Variants in ZBTB7C observed in about 807,000 individuals in gnomAD.
The protein encoded by ZBTB7C is zinc finger and BTB domain containing 7C.
A neutral mutation model predicts 25.7 loss-of-function variants in ZBTB7C; 8 were observed. The ratio of observed to expected loss-of-function variants is 0.31; its 90% CI spans 0.18 to 0.56. The LOEUF is 0.56. ZBTB7C is among the 20% of genes least tolerant of loss of function. The pLI is 0.91. For missense variants in ZBTB7C, 824 were observed against 855.2 expected (o/e 0.96, Z 0.46); for synonymous variants, 394 against 369.0 (o/e 1.07, Z -0.78).
At chr18:48,174,134 A>G (rs1245569204) in intron 3 of ZBTB7C, among the ~76,000 whole-genome samples, 2 of 152,140 alleles carry the variant, frequency 1.3e-5, no homozygotes, top group African/African-American at 4.8e-5. Context: ...AAACAAATTT[A>G]TATGGCAAAT....
At chr18:48,079,125 TC>T (rs2037883843) in intron 3 of ZBTB7C, among the ~76,000 whole-genome samples, 1 of 152,190 alleles carries the variant, frequency 6.6e-6, no homozygotes, top group African/African-American at 2.4e-5. Context: ...AACTTAAAGA[TC>T]AATTATTCCA....
In ZBTB7C at chr18:48,095,211, T is replaced by C. The variant is rs529608080; in HGVS notation, c.-16-54088A>G. Among the ~76,000 whole-genome samples, 17 of 152,326 alleles carry C rather than the reference T, an allele frequency of 1.1e-4. No individual in the cohort carries two copies. The East Asian group carries it at 3.3e-3, about 29-fold the overall frequency. On this transcript the variant is annotated intron_variant, in intron 3 of 4. Transcript: ENST00000590800. ...AAAATAAGGAGTCCTTGGATTCTCATGGCCACTTTGAGGCAGTTCCATGGC... is the reference window on the plus strand; with the variant it reads ...AAAATAAGGAGTCCTTGGATTCTCACGGCCACTTTGAGGCAGTTCCATGGC...
intron 2 of ZBTB7C, among the ~76,000 whole-genome samples, chr18:48,253,628 AC>A (rs1220097854): frequency 6.6e-6 from 1 of 152,176 alleles, no homozygotes; most frequent in Non-Finnish European, 1.5e-5. Context: ...AGGACAGAGC[AC>A]CAGAGAGAAG....
intron 3 of ZBTB7C, among the ~76,000 whole-genome samples, chr18:48,084,505 G>C (rs2038112346): frequency 6.6e-6 from 1 of 152,132 alleles, no homozygotes; most frequent in African/African-American, 2.4e-5. Context: ...GACTCCACTG[G>C]GCATGTCTGC....
At chr18:48,114,821 G>T (rs2039372907) in intron 3 of ZBTB7C, among the ~76,000 whole-genome samples, 1 of 152,178 alleles carries the variant, frequency 6.6e-6, no homozygotes, top group African/African-American at 2.4e-5. Context: ...AAAGCAAGCT[G>T]CAGAAGAGTG....
intron 2 of ZBTB7C, among the ~76,000 whole-genome samples, chr18:48,199,992 TTGTGTGTG>T (rs57540482): frequency 6.0e-5 from 9 of 149,294 alleles, no homozygotes; most frequent in African/African-American, 9.9e-5. Context: ...GGAAATGTAT[TTGTGTGTG>T]TGTGTGTGTG....
At chr18:48,388,218 A>G (rs2047795782) in intron 1 of ZBTB7C, among the ~76,000 whole-genome samples, 1 of 152,054 alleles carries the variant, frequency 6.6e-6, no homozygotes, top group Non-Finnish European at 1.5e-5. Flanking sequence ...AACCACCCTA[A>G]TTATCCCTGC....
intron 1 of ZBTB7C, among the ~76,000 whole-genome samples, chr18:48,393,431 C>A (rs1006659242): frequency 2.0e-5 from 3 of 152,116 alleles, no homozygotes; most frequent in African/African-American, 7.2e-5. Flanking sequence ...CCCTCTCTCC[C>A]TGACTGTCTC....
intron 2 of ZBTB7C, among the ~76,000 whole-genome samples, chr18:48,298,688 A>C (rs1039032420): frequency 2.0e-5 from 3 of 152,176 alleles, no homozygotes; most frequent in Non-Finnish European, 4.4e-5. Flanking sequence ...CAGGGTGCCC[A>C]GCAGGCTGAC....
chr18:48,045,914 G>T (rs1392699205), intron 3 of ZBTB7C, among the ~76,000 whole-genome samples: 3 of 152,198 alleles, frequency 2.0e-5, no homozygotes, highest in African/African-American at 7.2e-5. Context: ...CTAGGGAGAG[G>T]TCCCCATGGC....
At chr18:48,084,605 C>T (rs1284143535) in intron 3 of ZBTB7C, among the ~76,000 whole-genome samples, 1 of 152,168 alleles carries the variant, frequency 6.6e-6, no homozygotes, top group Non-Finnish European at 1.5e-5. Context: ...CCCACTCGCC[C>T]TATCACCCCT....
At chr18:48,102,600 T>C (rs2038872290) in intron 3 of ZBTB7C, among the ~76,000 whole-genome samples, 1 of 148,040 alleles carries the variant, frequency 6.8e-6, no homozygotes, top group Admixed American at 6.8e-5. Flanking sequence ...ACTAACCTAG[T>C]CCTCTTGGAG....
intron 3 of ZBTB7C, among the ~76,000 whole-genome samples, chr18:48,069,346 T>C (rs1770355371): frequency 6.6e-6 from 1 of 152,192 alleles, no homozygotes; most frequent in Non-Finnish European, 1.5e-5. Context: ...CTTTGAAAGA[T>C]CTCCCGATTC....
In ZBTB7C at chr18:48,166,047, AT is replaced by A. The variant is rs889404044; in HGVS notation, c.-17+19886del. 2.1e-4 allele frequency among the ~76,000 whole-genome samples: 32 copies of A among 151,986 alleles called. No individual in the cohort carries two copies. The South Asian group carries it at 2.5e-3, about 12-fold the overall frequency. On this transcript the variant is annotated intron_variant, in intron 3 of 4. Transcript: ENST00000590800. The stretch of plus-strand genomic sequence containing the variant: ...TTGATTACTTCTTCATAGGAGAATA[AT>A]TTTTTTTTAAATTGTGGTAAATGTT...
intron 1 of ZBTB7C, among the ~76,000 whole-genome samples, chr18:48,405,448 C>T (rs923634005): frequency 2.0e-5 from 3 of 152,226 alleles, no homozygotes; most frequent in Non-Finnish European, 4.4e-5. Flanking sequence ...AAGCCAACTA[C>T]CCTCACGTTA....
chr18:48,253,760 T>TA (rs1568332717), intron 2 of ZBTB7C, among the ~76,000 whole-genome samples: 1 of 151,494 alleles, frequency 6.6e-6, no homozygotes. Flanking sequence ...CAAAAAGGGG[T>TA]AAAAGAAATA....
At chr18:48,076,241 C>T (rs1244078937) in intron 3 of ZBTB7C, among the ~76,000 whole-genome samples, 1 of 152,134 alleles carries the variant, frequency 6.6e-6, no homozygotes, top group Admixed American at 6.5e-5. Flanking sequence ...CACAGCAATG[C>T]TAGGAGGCAG....
chr18:48,072,885 T>G (rs2037604112), intron 3 of ZBTB7C, among the ~76,000 whole-genome samples: 1 of 152,144 alleles, frequency 6.6e-6, no homozygotes, highest in African/African-American at 2.4e-5. Context: ...CTTGCTGGCC[T>G]TCCCGACAGA....
At chr18:48,318,017 G>A (rs149244956) in intron 2 of ZBTB7C, among the ~76,000 whole-genome samples, 161 of 148,724 alleles carry the variant, frequency 1.1e-3, no homozygotes, top group African/African-American at 3.6e-3. Context: ...CTACTGAGGC[G>A]CATGCGCACT....
Sources: allele counts gnomAD v4.1 joint callset (sites outside exome capture counted in the v4.1 genomes callset), GRCh38; gene constraint gnomAD v4.1.1; transcripts MANE v1.5; gene names NCBI Gene and HGNC (gene_info 2026-07-23, HGNC 2026-07-21).